Variants in CRPPA observed in about 807,000 individuals in gnomAD.
CRPPA encodes the protein CDP-L-ribitol pyrophosphorylase A.
CRPPA carries 43 observed loss-of-function variants against 52.0 expected under a neutral mutation model. That is an observed-to-expected ratio of 0.83 (90% CI 0.65 to 1.07). The LOEUF is 1.07. Ranked by LOEUF, CRPPA falls within the 50% of genes least tolerant of loss-of-function variation. The pLI, the probability that CRPPA is intolerant of heterozygous loss-of-function variation, is 0.00. For missense variants in CRPPA, 629 were observed against 551.7 expected, an observed-to-expected ratio of 1.14 and a Z score of -1.40; for synonymous variants, 250 against 203.5, an observed-to-expected ratio of 1.23 and a Z score of -1.94.
chr7:16,145,226 T>C (rs112490128), intron 9 of CRPPA, among the ~76,000 whole-genome samples: 2 of 152,194 alleles, frequency 1.3e-5, no homozygotes, highest in Admixed American at 1.3e-4. Context: ...TGAAGGAAGC[T>C]ACACTAATCT....
At chr7:16,153,631 C>T (rs1783119365) in intron 9 of CRPPA, among the ~76,000 whole-genome samples, 1 of 151,976 alleles carries the variant, frequency 6.6e-6, no homozygotes, top group Admixed American at 6.5e-5. Context: ...CATGAAGTGA[C>T]CTAATTTTTT....
chr7:16,336,193 C>T (rs113409880), intron 3 of CRPPA, among the ~76,000 whole-genome samples: 2,035 of 151,672 alleles, frequency 0.013, 18 homozygotes, highest in Middle Eastern at 0.058. Flanking sequence ...GTAGATAGTA[C>T]GTAGTTGCAC....
chr7:16,390,411 C>T (rs1787412089), intron 2 of CRPPA, among the ~76,000 whole-genome samples: 1 of 152,056 alleles, frequency 6.6e-6, no homozygotes, highest in South Asian at 2.1e-4. Context: ...TCAATCAGGC[C>T]ATTATCGCCA....
At chr7:16,162,084 T>C (rs914370780) in intron 9 of CRPPA, among the ~76,000 whole-genome samples, 2 of 152,150 alleles carry the variant, frequency 1.3e-5, no homozygotes, top group Non-Finnish European at 2.9e-5. Context: ...TTTTCTTCTT[T>C]ATTGGTATGG....
rs181392858 is a variant in CRPPA, at chr7:16,088,620, G to A, written c.*3075C>T. The A allele has an allele frequency of 3.7e-4, 56 of 152,296 alleles. No homozygotes were observed. The highest frequency in any genetic ancestry group is 6.5e-4 in the Admixed American group (10 of 15,292). The allele number at this position is 152,296 out of a possible 1,614,324, so 9.4% of individuals were successfully genotyped here. ...TTTTTACTAGAGACGGGGTTTCACC[G>A]CATTAGCCAGGATGGTCTGGATCTC... is the stretch of plus-strand genomic sequence containing the variant. On this transcript the variant is annotated 3_prime_UTR_variant, in exon 10 of 10. Coordinates refer to ENST00000407010, the MANE Select transcript of CRPPA (RefSeq NM_001101426.4).
intron 9 of CRPPA, among the ~76,000 whole-genome samples, chr7:16,109,516 A>C (rs773183392): frequency 6.6e-6 from 1 of 151,956 alleles, no homozygotes; most frequent in Non-Finnish European, 1.5e-5. Context: ...TATTACAAAA[A>C]CATTACACTT....
intron 5 of CRPPA, among the ~76,000 whole-genome samples, chr7:16,284,469 T>C (rs942125392): frequency 2.0e-5 from 3 of 152,074 alleles, no homozygotes; most frequent in Admixed American, 6.6e-5. Flanking sequence ...AATAAGAACA[T>C]AAATTGAAAT....
chr7:16,405,268 C>T (rs2389634), intron 2 of CRPPA, among the ~76,000 whole-genome samples: 69,219 of 151,912 alleles, frequency 0.46, 16,337 homozygotes, highest in South Asian at 0.56. Context: ...ATTCTAATAG[C>T]TAACATAATT....
chr7:16,323,711 T>G (rs941660464), intron 3 of CRPPA, among the ~76,000 whole-genome samples: 5 of 152,180 alleles, frequency 3.3e-5, no homozygotes, highest in African/African-American at 1.2e-4. Context: ...TAAGAAGATG[T>G]TTAAGATTAG....
intron 3 of CRPPA, among the ~76,000 whole-genome samples, chr7:16,351,811 G>T (rs1346486544): frequency 1.3e-5 from 2 of 152,170 alleles, no homozygotes; most frequent in Admixed American, 1.3e-4. Flanking sequence ...TTACATTGTT[G>T]GAGGGTGTGT....
At chr7:16,099,195 G>T (rs761549171) in intron 9 of CRPPA, among the ~76,000 whole-genome samples, 28 of 151,266 alleles carry the variant, frequency 1.9e-4, no homozygotes, top group Non-Finnish European at 4.0e-4. Flanking sequence ...CAAGGCCGCA[G>T]TGAGCAATGA....
intron 8 of CRPPA, among the ~76,000 whole-genome samples, chr7:16,221,474 A>T (rs1322758618): frequency 6.6e-6 from 1 of 152,238 alleles, no homozygotes; most frequent in African/African-American, 2.4e-5. Context: ...GAGCTTCTGC[A>T]CAGCAAAAGA....
chr7:16,401,067 G>A (rs1296385152), intron 2 of CRPPA, among the ~76,000 whole-genome samples: 1 of 152,158 alleles, frequency 6.6e-6, no homozygotes, highest in African/African-American at 2.4e-5. Context: ...CTGGCCACCT[G>A]CTTGAACTCA....
At chr7:16,350,703 C>A (rs1292290426) in intron 3 of CRPPA, among the ~76,000 whole-genome samples, 1 of 152,096 alleles carries the variant, frequency 6.6e-6, no homozygotes, top group Non-Finnish European at 1.5e-5. Flanking sequence ...GAACCAAGGA[C>A]CTGTAAAACA....
intron 8 of CRPPA, among the ~76,000 whole-genome samples, chr7:16,242,980 T>A (rs1783166543): frequency 6.6e-6 from 1 of 152,202 alleles, no homozygotes; most frequent in Admixed American, 6.5e-5. Flanking sequence ...TTACTTCAAG[T>A]AATCAATATC....
chr7:16,127,366 A>C (rs923849001), intron 9 of CRPPA, among the ~76,000 whole-genome samples: 1 of 152,106 alleles, frequency 6.6e-6, no homozygotes, highest in African/African-American at 2.4e-5. Flanking sequence ...GAAAAGAAAA[A>C]TAAATAAGAA....
intron 2 of CRPPA, among the ~76,000 whole-genome samples, chr7:16,389,344 C>T (rs995118168): frequency 6.6e-6 from 1 of 151,954 alleles, no homozygotes; most frequent in Non-Finnish European, 1.5e-5. Flanking sequence ...AAAACAGATG[C>T]AAAAATTCTC....
chr7:16,418,623 G>A (rs1405731274), intron 1 of CRPPA, among the ~76,000 whole-genome samples: 6 of 152,100 alleles, frequency 3.9e-5, no homozygotes, highest in African/African-American at 9.7e-5. Context: ...GAGGAACTAC[G>A]AAACACTAAC....
At chr7:16,266,481 T>TG (rs1184148137) in intron 6 of CRPPA, among the ~76,000 whole-genome samples, 14 of 120,894 alleles carry the variant, frequency 1.2e-4, no homozygotes, top group Admixed American at 1.1e-3. Flanking sequence ...TTTTTGTTTT[T>TG]CTTTTTTTTT....
Sources: allele counts gnomAD v4.1 joint callset (sites outside exome capture counted in the v4.1 genomes callset), GRCh38; gene constraint gnomAD v4.1.1; transcripts MANE v1.5; gene names NCBI Gene and HGNC (gene_info 2026-07-23, HGNC 2026-07-21).